Variants in CYP4F2 observed in about 807,000 individuals in gnomAD.
CYP4F2 encodes cytochrome P450 family 4 subfamily F member 2.
CYP4F2 carries 58 observed loss-of-function variants against 58.9 expected under a neutral mutation model. That is an observed-to-expected ratio of 0.98 (90% CI 0.80 to 1.23). The LOEUF is 1.23. Among genes scored for constraint, CYP4F2 ranks in the 50% most tolerant of loss-of-function variants. CYP4F2 has a pLI of 0.00. For missense variants in CYP4F2, 616 were observed against 685.6 expected (o/e 0.90, Z 1.13); for synonymous variants, 287 against 261.1 (o/e 1.10, Z -0.95).
Position 15,897,412 on chromosome 19 carries a change from A to G in CYP4F2, c.198+2T>C. On this transcript the variant is annotated splice_donor_variant, in intron 2 of 12. Transcript: ENST00000221700. LOFTEE classifies it high-confidence loss of function. ...CTAGACCCATCCTGCTGCCACACTC[A>G]CCATGCCCTGGTGTCCCCAAAACCA... 6.2e-7 allele frequency: 1 copy of G among 1,609,990 alleles called. No homozygotes were observed. Among genetic ancestry groups the G allele is most frequent in the South Asian group, 1.1e-5 (1 of 90,928 alleles).
In CYP4F2 at chr19:15,881,972, C is replaced by T. The variant is rs186039500; in HGVS notation, c.1116-2075G>A. On this transcript the variant is annotated intron_variant, in intron 9 of 12. Coordinates refer to ENST00000221700, the MANE Select transcript of CYP4F2 (RefSeq NM_001082.5). ...TAGAAACAGGAGTGGAGGTCGGGCGCGGTGGCTCACGCCTGTAATCCCAGC... is the reference window on the plus strand; with the variant it reads ...TAGAAACAGGAGTGGAGGTCGGGCGTGGTGGCTCACGCCTGTAATCCCAGC... Among the ~76,000 whole-genome samples the T allele has an allele frequency of 1.5e-3, 230 of 152,164 alleles. 1 individual carries two copies. Among genetic ancestry groups the T allele is most frequent in the African/African-American group, 5.2e-3 (217 of 41,532 alleles).
At chr19:15,886,211 C>A in intron 8 of CYP4F2, 31 bp downstream of exon 8, 1 of 1,613,734 alleles carries the variant, frequency 6.2e-7, no homozygotes, top group Non-Finnish European at 8.5e-7. Context: ...AGATCCCGGT[C>A]CCCTCTCTAG....
In CYP4F2 at chr19:15,895,528, G is replaced by A; in HGVS notation, c.321C>T (p.Ile107=). The A allele has an allele frequency of 1.3e-6, 2 of 1,539,184 alleles. No homozygotes were observed. The highest frequency in any genetic ancestry group is 1.7e-6 in the Non-Finnish European group (2 of 1,152,884). ...PLLSLCHPDI[I]RSVINASAAI... is the part of the protein sequence containing the mutation. ...TACCTGAGGCGTTGATGACAGACCGGATGATGTCGGGGTGGCACAAACTGA... is the reference window on the plus strand; with the variant it reads ...TACCTGAGGCGTTGATGACAGACCGAATGATGTCGGGGTGGCACAAACTGA... Residue 107 remains isoleucine (I), a synonymous_variant, in exon 3 of 13, where the codon ATC becomes ATT. Transcript: ENST00000221700.
intron 9 of CYP4F2, among the ~76,000 whole-genome samples, chr19:15,884,443 G>T (rs1213614352): frequency 6.6e-6 from 1 of 152,096 alleles, no homozygotes; most frequent in Non-Finnish European, 1.5e-5. Context: ...TATAGTTTAC[G>T]ATATGTACTG....
rs958757974 is a variant in CYP4F2, at chr19:15,879,593, G to T, written c.1314+11C>A. 1 of 1,613,892 alleles carries T rather than the reference G, an allele frequency of 6.2e-7. No homozygotes were observed. The highest frequency in any genetic ancestry group is 8.5e-7 in the Non-Finnish European group (1 of 1,179,912). The stretch of plus-strand genomic sequence containing the variant: ...TTGGAATGGACAAAAACAGAGAGAG[G>T]GGCCCCGCACCTCAGGGTCCGGCCA... On this transcript the variant is annotated intron_variant, in intron 11 of 12. Coordinates refer to ENST00000221700, the MANE Select transcript of CYP4F2 (RefSeq NM_001082.5).
chr19:15,886,577 A>G, intron 7 of CYP4F2: 1 of 428,226 alleles, frequency 2.3e-6, no homozygotes, highest in East Asian at 3.6e-5. Context: ...AGTTTCTGAG[A>G]AAAAGTTACT....
chr19:15,879,233 G>A (rs1380403756), intron 12 of CYP4F2, 113 bp downstream of exon 12: 25 of 1,433,628 alleles, frequency 1.7e-5, no homozygotes, highest in Non-Finnish European at 2.3e-5. Flanking sequence ...GAGGAGGTGA[G>A]GGAAAGAGAG....
chr19:15,895,312 C>A (rs1245756469), intron 3 of CYP4F2, among the ~76,000 whole-genome samples, 194 bp downstream of exon 3: 1 of 152,050 alleles, frequency 6.6e-6, no homozygotes, highest in Non-Finnish European at 1.5e-5. Flanking sequence ...CCCAGAACAC[C>A]AGAACAGGGG....
At chr19:15,891,874 C>A (rs189228281) in intron 5 of CYP4F2, among the ~76,000 whole-genome samples, 2 of 152,302 alleles carry the variant, frequency 1.3e-5, no homozygotes, top group East Asian at 3.9e-4. Flanking sequence ...GCCTACCTGA[C>A]CCCCAGCTGC....
intron 2 of CYP4F2, among the ~76,000 whole-genome samples, chr19:15,896,996 T>G (rs8112623): frequency 2.8e-4 from 43 of 152,244 alleles, no homozygotes; most frequent in African/African-American, 1.0e-3. Context: ...AGACGGCCCA[T>G]GCCTCTCCTC....
chr19:15,878,691 G>C lies in CYP4F2; in HGVS notation c.*80C>G. On this transcript the variant is annotated 3_prime_UTR_variant, in exon 13 of 13. Transcript: ENST00000221700. ...GGATGGAATACAGGACTGTGGAACA[G>C]GGTCTTAGGGTAATTCTAGGCTTCA... 1 of 1,562,336 alleles carries C rather than the reference G, an allele frequency of 6.4e-7. No homozygotes were observed. The highest frequency in any genetic ancestry group is 8.7e-7 in the Non-Finnish European group (1 of 1,152,340).
Position 15,889,669 on chromosome 19 carries a change from G to A in CYP4F2, c.672C>T (p.Ala224=). 1.2e-6 allele frequency: 2 copies of A among 1,614,010 alleles called. No individual in the cohort carries two copies. Among genetic ancestry groups the A allele is most frequent in the Non-Finnish European group, 1.7e-6 (2 of 1,179,908 alleles). ...ATACAAGGGCACTGAGCTCCAAGAT[G>A]GCGGCAATATATTCACTGGGTTTCC... ...CQEKPSEYIA[A]ILELSALVSK... Residue 224 remains alanine, a synonymous_variant, in exon 7 of 13, where the codon GCC becomes GCT. Coordinates refer to ENST00000221700, the MANE Select transcript of CYP4F2 (RefSeq NM_001082.5).
chr19:15,888,381 C>A (rs576746362), intron 7 of CYP4F2, among the ~76,000 whole-genome samples: 10 of 151,758 alleles, frequency 6.6e-5, no homozygotes, highest in Non-Finnish European at 1.0e-4. Context: ...GACAAAGTCA[C>A]AAACTTAGAA....
At position 15,878,573 on chromosome 19, in the gene CYP4F2, G is replaced by A. The variant is rs1191684286; in HGVS notation, c.*198C>T. 2.8e-5 allele frequency: 24 copies of A among 863,268 alleles called. No homozygotes were observed. In the South Asian group the frequency reaches 3.4e-4, roughly 12 times the overall value. 53.5% of individuals were successfully genotyped at this position (863,268 alleles called of 1,614,324 possible). On this transcript the variant is annotated 3_prime_UTR_variant, in exon 13 of 13. Coordinates refer to ENST00000221700, the MANE Select transcript of CYP4F2 (RefSeq NM_001082.5). ...TATATAGCTTGGGGTTGTTTTCATCGTTTGGCTACTGTGAATAGGGCCGCC... is the reference window on the plus strand; with the variant it reads ...TATATAGCTTGGGGTTGTTTTCATCATTTGGCTACTGTGAATAGGGCCGCC...
At chr19:15,890,123 C>T (rs1056491376) in intron 6 of CYP4F2, among the ~76,000 whole-genome samples, 189 bp downstream of exon 6, 4 of 152,170 alleles carry the variant, frequency 2.6e-5, no homozygotes, top group African/African-American at 4.8e-5. Flanking sequence ...CTGACCACAC[C>T]CACCAGTTCA....
In CYP4F2 at chr19:15,892,416, C is replaced by A. The variant is rs1172017386; in HGVS notation, c.418G>T (p.Ala140Ser). ...CGGTGGCGGCTCCACTTGTCACCAGCACTCAGCAGGAGCCCATCCCCTAGC... is the reference window on the plus strand; with the variant it reads ...CGGTGGCGGCTCCACTTGTCACCAGAACTCAGCAGGAGCCCATCCCCTAGC... ...PWLGDGLLLS[A>S]GDKWSRHRRM... The change falls in exon 5 of 13, where the codon GCT becomes TCT. Residue 140 changes from alanine (A) to serine (S), a missense_variant. Physicochemically the swap from Ala to Ser is moderately conservative, Grantham distance 99 (BLOSUM62 1). Transcript: ENST00000221700. 1 of 1,614,230 alleles carries A rather than the reference C, an allele frequency of 6.2e-7. No homozygotes were observed. The highest frequency in any genetic ancestry group is 8.5e-7 in the Non-Finnish European group (1 of 1,180,036).
intron 1 of CYP4F2, 113 bp from the exon 2 acceptor site, chr19:15,897,725 G>A: frequency 2.3e-6 from 3 of 1,331,906 alleles, no homozygotes; most frequent in South Asian, 2.6e-5. Flanking sequence ...GAGCAGGGAG[G>A]GCTCAGGGAT....
chr19:15,879,576 G>T, intron 11 of CYP4F2, 28 bp downstream of exon 11: 2 of 1,613,392 alleles, frequency 1.2e-6, no homozygotes, highest in Non-Finnish European at 1.7e-6. Flanking sequence ...CCTTGGAATG[G>T]ACAAAAACAG....
intron 9 of CYP4F2, among the ~76,000 whole-genome samples, chr19:15,883,485 G>A (rs1299157837): frequency 6.6e-6 from 1 of 152,094 alleles, no homozygotes; most frequent in Non-Finnish European, 1.5e-5. Context: ...GATAGACACT[G>A]GTGAGGATAT....
Sources: gnomAD v4.1 joint callset for allele counts (sites outside exome capture counted in the v4.1 genomes callset) on GRCh38, gnomAD v4.1.1 for gene constraint, MANE v1.5 for transcripts, NCBI Gene and HGNC (gene_info 2026-07-23, HGNC 2026-07-21) for gene names.